The following THSD7A variants were observed in gnomAD, a reference collection of about 807,000 sequenced individuals.
THSD7A encodes thrombospondin type-1 domain-containing protein 7A.
A neutral mutation model predicts 231.3 loss-of-function variants in THSD7A; 96 were observed. The ratio of observed to expected loss-of-function variants is 0.41; its 90% CI spans 0.35 to 0.49. The LOEUF (loss-of-function observed/expected upper bound fraction) is 0.49, where lower values mean the gene tolerates loss of function less well. Among genes scored for constraint, THSD7A ranks in the 20% least tolerant of loss-of-function variants. THSD7A has a pLI of 0.05. For missense variants in THSD7A, 2,290 were observed against 2,070.2 expected (o/e 1.11, Z -2.06); for synonymous variants, 940 against 743.3 (o/e 1.26, Z -4.30).
intron 1 of THSD7A, among the ~76,000 whole-genome samples, chr7:11,780,026 T>C (rs1003183571): frequency 4.1e-4 from 63 of 152,332 alleles, no homozygotes; most frequent in Non-Finnish European, 4.4e-5. Context: ...TTGTTTTTCA[T>C]AGTCTGGGTC....
intron 2 of THSD7A, among the ~76,000 whole-genome samples, chr7:11,625,928 A>C (rs1781460835): frequency 6.6e-6 from 1 of 152,136 alleles, no homozygotes; most frequent in Admixed American, 6.6e-5. Context: ...CCCGATCAGC[A>C]GCAAGGCTCC....
At chr7:11,548,778 GAA>G (rs1485957211) in intron 4 of THSD7A, among the ~76,000 whole-genome samples, 1 of 151,482 alleles carries the variant, frequency 6.6e-6, no homozygotes, top group Non-Finnish European at 1.5e-5. Context: ...AATAGACGCA[GAA>G]AAGTCTTTTG....
chr7:11,399,306 G>C (rs1436436642), intron 23 of THSD7A, among the ~76,000 whole-genome samples: 2 of 152,048 alleles, frequency 1.3e-5, no homozygotes, highest in African/African-American at 2.4e-5. Context: ...ACTTCTGTTA[G>C]AAAAAGCTAT....
intron 6 of THSD7A, among the ~76,000 whole-genome samples, chr7:11,504,005 C>T (rs1377589939): frequency 6.6e-6 from 1 of 152,096 alleles, no homozygotes; most frequent in East Asian, 1.9e-4. Flanking sequence ...GAGATACATG[C>T]ATGCAAATGT....
At position 11,406,372 on chromosome 7, in the gene THSD7A, C is replaced by T. The variant is rs1479442595; in HGVS notation, c.4165G>A (p.Ala1389Thr). The stretch of plus-strand genomic sequence containing the variant: ...CCATCTATAATGAGTTCAATGTCAG[C>T]ACAGAATTCCTCATCCACCACTTTG... ...FSKVVDEEFC[A>T]DIELIIDGNK... The change falls in exon 22 of 28, where the codon GCT becomes ACT. Residue 1389 changes from alanine (A) to threonine (T), a missense_variant. Physicochemically the swap from Ala to Thr is moderately conservative, Grantham distance 58. Transcript: ENST00000423059. The surrounding 1 kb of genome is among the most constrained non-coding windows in gnomAD (Gnocchi z 4.7). 3.1e-6 allele frequency: 5 copies of T among 1,613,812 alleles called. No homozygotes were observed. The highest frequency in any genetic ancestry group is 4.2e-6 in the Non-Finnish European group (5 of 1,179,866).
At chr7:11,716,088 A>G (rs1448894242) in intron 1 of THSD7A, among the ~76,000 whole-genome samples, 3 of 151,552 alleles carry the variant, frequency 2.0e-5, no homozygotes, top group African/African-American at 7.3e-5. Context: ...CAATTAGAAC[A>G]CTAAGTTAAC....
At chr7:11,802,282 T>G (rs1241671982) in intron 1 of THSD7A, among the ~76,000 whole-genome samples, 2 of 152,216 alleles carry the variant, frequency 1.3e-5, no homozygotes, top group East Asian at 3.8e-4. Context: ...TGCATATACC[T>G]GGCCCACCCT....
At position 11,412,948 on chromosome 7, in the gene THSD7A, CA is replaced by C. The variant is rs1478845371; in HGVS notation, c.3538-149del. 5 of 807,680 alleles carry C rather than the reference CA, an allele frequency of 6.2e-6. No individual in the cohort carries two copies. The Admixed American group carries it at 1.1e-4, about 18-fold the overall frequency. The allele number at this position is 807,680 out of a possible 1,614,324, so 50.0% of individuals were successfully genotyped here. The stretch of plus-strand genomic sequence containing the variant: ...TCAACCTCATTATGCCTCAGTTGTT[CA>C]ATGTATAAAATGAAGGTGTTGAATG... On this transcript the variant is annotated intron_variant, in intron 17 of 27. Coordinates refer to ENST00000423059, the MANE Select transcript of THSD7A (RefSeq NM_015204.3).
chr7:11,385,581 A>G (rs922920447), intron 23 of THSD7A: 1 of 151,412 alleles, frequency 6.6e-6, no homozygotes, highest in Non-Finnish European at 1.5e-5. Context: ...AAGAGATTTT[A>G]TTAATATTTG....
intron 6 of THSD7A, among the ~76,000 whole-genome samples, chr7:11,509,058 T>C (rs1787680753): frequency 6.6e-6 from 1 of 152,176 alleles, no homozygotes; most frequent in Non-Finnish European, 1.5e-5. Context: ...TGCTTAAAAA[T>C]ATGAGGGTAT....
rs563012524 is a variant in THSD7A at position 11,708,260 on chromosome 7, G to GT, written c.191-71300dup. On this transcript the variant is annotated intron_variant, in intron 1 of 27. Transcript: ENST00000423059. Reference sequence around the variant, plus strand: ...ATGTAGAATTACTTGTCATAAATCAGTAACAACTTTATAATTATAGGTATT... The same window carrying GT: ...ATGTAGAATTACTTGTCATAAATCAGTTAACAACTTTATAATTATAGGTATT... Among the ~76,000 whole-genome samples the GT allele has an allele frequency of 8.0e-5, 12 of 150,576 alleles. No homozygotes were observed. In the East Asian group the frequency reaches 2.4e-3, roughly 30 times the overall value.
chr7:11,641,513 T>A (rs1253825475), intron 1 of THSD7A, among the ~76,000 whole-genome samples: 4 of 152,200 alleles, frequency 2.6e-5, no homozygotes, highest in Non-Finnish European at 5.9e-5. Flanking sequence ...TATAAATATA[T>A]TCCAATTCCC....
chr7:11,596,052 A>G (rs1301287012), intron 2 of THSD7A, among the ~76,000 whole-genome samples: 1 of 152,232 alleles, frequency 6.6e-6, no homozygotes, highest in Non-Finnish European at 1.5e-5. Flanking sequence ...AATTATAAAA[A>G]CAGAGAATCA....
intron 1 of THSD7A, among the ~76,000 whole-genome samples, chr7:11,816,183 TC>T (rs1373556493): frequency 1.3e-5 from 2 of 152,178 alleles, no homozygotes; most frequent in Admixed American, 6.5e-5. Flanking sequence ...TCATGTTTGT[TC>T]CCCTGCACCT....
Position 11,447,291 on chromosome 7 carries a change from G to A in THSD7A, c.2739C>T (p.Ser913=). The change falls in exon 12 of 28, where the codon TCC becomes TCT. Residue 913 remains serine (S), a synonymous_variant. Coordinates refer to ENST00000423059, the MANE Select transcript of THSD7A (RefSeq NM_015204.3). ...CQDDCQLTSW[S]KFSSCNGDCG... ...AGTCTCCATTGCATGAAGAAAACTT[G>A]GACCAGCTGGTCAATTGACAGTCAT... The A allele has an allele frequency of 6.2e-7, 1 of 1,613,054 alleles. No individual in the cohort carries two copies. The highest frequency in any genetic ancestry group is 1.7e-4 in the Middle Eastern group (1 of 6,052).
At chr7:11,417,418 C>A in intron 17 of THSD7A, 32 bp downstream of exon 17, 2 of 1,528,704 alleles carry the variant, frequency 1.3e-6, no homozygotes, top group Admixed American at 2.3e-5. Context: ...ATTAAATAAA[C>A]TCTACATTAA....
chr7:11,610,114 G>T (rs1207158820), intron 2 of THSD7A, among the ~76,000 whole-genome samples: 1 of 152,106 alleles, frequency 6.6e-6, no homozygotes, highest in Non-Finnish European at 1.5e-5. Flanking sequence ...AATATTTTAA[G>T]ATATTAATAA....
intron 1 of THSD7A, among the ~76,000 whole-genome samples, chr7:11,827,736 T>A (rs1785073439): frequency 6.6e-6 from 1 of 152,172 alleles, no homozygotes. Context: ...CTAAACTGAG[T>A]CACCCATTCA....
At chr7:11,420,437 G>A (rs529944553) in intron 16 of THSD7A, among the ~76,000 whole-genome samples, 5 of 152,366 alleles carry the variant, frequency 3.3e-5, no homozygotes, top group African/African-American at 1.2e-4. Flanking sequence ...AAACCCTTGT[G>A]GCTTCCACAT....
Sources: allele counts gnomAD v4.1 joint callset (sites outside exome capture counted in the v4.1 genomes callset), GRCh38; gene constraint gnomAD v4.1.1; non-coding constraint Gnocchi (gnomAD v3.1); transcripts MANE v1.5; gene names NCBI Gene and HGNC (gene_info 2026-07-23, HGNC 2026-07-21).